The following SPAG16 variants were observed in gnomAD, a reference collection of about 807,000 sequenced individuals.
SPAG16 encodes the protein sperm-associated antigen 16 protein.
Under a neutral mutation model 80.4 loss-of-function variants are expected in SPAG16, and 86 were observed. That is an observed-to-expected ratio of 1.07 (90% CI 0.90 to 1.28). The LOEUF (loss-of-function observed/expected upper bound fraction) is 1.28, where lower values mean the gene tolerates loss of function less well. SPAG16 is among the 50% of genes most tolerant of loss of function. The pLI is 0.00. For synonymous variants in SPAG16, 294 were observed against 265.9 expected (o/e 1.11, Z -1.03); for missense variants, 870 against 765.3 (o/e 1.14, Z -1.61).
At chr2:213,358,116 C>G (rs573214026) in intron 7 of SPAG16, among the ~76,000 whole-genome samples, 1 of 152,116 alleles carries the variant, frequency 6.6e-6, no homozygotes, top group African/African-American at 2.4e-5. Flanking sequence ...GGGTTTCTGC[C>G]GAGAGATCTG....
chr2:214,036,987 C>A (rs559324922), intron 13 of SPAG16, among the ~76,000 whole-genome samples: 117 of 152,004 alleles, frequency 7.7e-4, no homozygotes, highest in African/African-American at 2.6e-3. Flanking sequence ...TACTAATATT[C>A]TAAAAGTGAG....
At chr2:213,480,668 T>G (rs1386041044) in intron 9 of SPAG16, among the ~76,000 whole-genome samples, 1 of 152,242 alleles carries the variant, frequency 6.6e-6, no homozygotes, top group Non-Finnish European at 1.5e-5. Flanking sequence ...TGTGTCATCA[T>G]ATGGCACACA....
intron 10 of SPAG16, among the ~76,000 whole-genome samples, chr2:213,529,347 A>T (rs1480526355): frequency 6.6e-6 from 1 of 152,108 alleles, no homozygotes; most frequent in East Asian, 1.9e-4. Context: ...GAATTTGCTG[A>T]TTTCTGTATT....
In SPAG16 at chr2:214,007,298, TAAAAC is replaced by T. The variant is rs754372852; in HGVS notation, c.1401-6645_1401-6641del. On this transcript the variant is annotated intron_variant, in intron 12 of 15. Transcript: ENST00000331683. The stretch of plus-strand genomic sequence containing the variant: ...TCTTTACAGATTGAAATGCCTCAGT[TAAAAC>T]AAAACAATATGGCCAGGGATGGTGG... Among the ~76,000 whole-genome samples, 112 of 152,160 alleles carry T rather than the reference TAAAAC, an allele frequency of 7.4e-4. 1 individual carries two copies. The highest frequency in any genetic ancestry group is 1.4e-3 in the Non-Finnish European group (95 of 67,992).
At chr2:213,967,149 C>A (rs1192067023) in intron 12 of SPAG16, among the ~76,000 whole-genome samples, 1 of 152,070 alleles carries the variant, frequency 6.6e-6, no homozygotes, top group African/African-American at 2.4e-5. Context: ...ATTCAATATA[C>A]CTTATATAGT....
chr2:214,047,911 A>T (rs1250914086), intron 13 of SPAG16, among the ~76,000 whole-genome samples: 2 of 152,220 alleles, frequency 1.3e-5, no homozygotes, highest in Admixed American at 1.3e-4. Context: ...AAGGAGACAT[A>T]CAGATGGCAA....
chr2:213,874,368 C>T (rs968270743), intron 11 of SPAG16, among the ~76,000 whole-genome samples: 3 of 152,044 alleles, frequency 2.0e-5, no homozygotes, highest in African/African-American at 7.2e-5. Context: ...TACAGCTGTA[C>T]AAAAATATTT....
chr2:214,114,187 C>A (rs1036160560), intron 14 of SPAG16, among the ~76,000 whole-genome samples: 4 of 152,132 alleles, frequency 2.6e-5, no homozygotes, highest in African/African-American at 9.7e-5. Flanking sequence ...CTGCCTGATC[C>A]TTCCTCTGGA....
chr2:214,368,480 T>C (rs948645423), intron 15 of SPAG16, among the ~76,000 whole-genome samples: 1 of 152,078 alleles, frequency 6.6e-6, no homozygotes, highest in Non-Finnish European at 1.5e-5. Context: ...TAAGGAGAAA[T>C]TTATTTTTGT....
At chr2:213,442,096 C>T (rs773602452) in intron 9 of SPAG16, among the ~76,000 whole-genome samples, 50 of 152,144 alleles carry the variant, frequency 3.3e-4, no homozygotes, top group Admixed American at 6.5e-4. Flanking sequence ...TGCAGTGAGC[C>T]GAGATCGCCC....
intron 15 of SPAG16, among the ~76,000 whole-genome samples, chr2:214,283,714 G>A (rs1365682999): frequency 6.6e-6 from 1 of 152,164 alleles, no homozygotes; most frequent in African/African-American, 2.4e-5. Flanking sequence ...ATTTTTGCTT[G>A]CTGCTCTAAT....
At chr2:213,852,914 T>G (rs370274990) in intron 10 of SPAG16, among the ~76,000 whole-genome samples, 1 of 152,330 alleles carries the variant, frequency 6.6e-6, no homozygotes, top group Non-Finnish European at 1.5e-5. Flanking sequence ...TAAATGCTAA[T>G]GCACATCACG....
At chr2:213,537,079 A>C (rs1253231597) in intron 10 of SPAG16, among the ~76,000 whole-genome samples, 1 of 149,320 alleles carries the variant, frequency 6.7e-6, no homozygotes, top group Admixed American at 6.8e-5. Context: ...ATCAAACACC[A>C]CATATTCTCA....
At chr2:214,331,066 C>T (rs935957912) in intron 15 of SPAG16, among the ~76,000 whole-genome samples, 4 of 152,176 alleles carry the variant, frequency 2.6e-5, no homozygotes, top group Admixed American at 2.0e-4. Flanking sequence ...ATTTCCATCA[C>T]CCTGGGCTAT....
At chr2:213,799,250 G>A (rs902573261) in intron 10 of SPAG16, among the ~76,000 whole-genome samples, 14 of 151,828 alleles carry the variant, frequency 9.2e-5, no homozygotes, top group African/African-American at 3.4e-4. Flanking sequence ...ATTTCTTTCA[G>A]CAATGTTTTA....
At chr2:213,309,687 A>G (rs917990379) in intron 3 of SPAG16, among the ~76,000 whole-genome samples, 2 of 152,048 alleles carry the variant, frequency 1.3e-5, no homozygotes, top group African/African-American at 2.4e-5. Flanking sequence ...TATCAATGAC[A>G]TCTTCACCAC....
chr2:213,997,643 A>G (rs1246121370), intron 12 of SPAG16, among the ~76,000 whole-genome samples: 8 of 152,252 alleles, frequency 5.3e-5, no homozygotes, highest in African/African-American at 1.9e-4. Context: ...GACATTTTAA[A>G]GAAGAGGTGT....
intron 15 of SPAG16, among the ~76,000 whole-genome samples, chr2:214,271,067 T>C (rs903532099): frequency 1.3e-5 from 2 of 152,232 alleles, no homozygotes; most frequent in African/African-American, 4.8e-5. Context: ...TTTTGAGATC[T>C]TAATTTAAGC....
Position 213,514,700 on chromosome 2 carries a change from G to A in SPAG16, c.1070+24610G>A, listed in dbSNP as rs1057117361. 1.1e-4 allele frequency among the ~76,000 whole-genome samples: 16 copies of A among 141,466 alleles called. 1 individual carries two copies. Among genetic ancestry groups the A allele is most frequent in the Admixed American group, 2.3e-4 (3 of 12,782 alleles). 92.8% of individuals were successfully genotyped at this position (141,466 alleles called of 152,430 possible). A position where few individuals can be genotyped will look rare whatever the true frequency, so the allele number is the denominator to read the frequency against. On this transcript the variant is annotated intron_variant, in intron 10 of 15. Transcript: ENST00000331683. ...ATCTCATTGTTCAATTCCCACCTAT[G>A]AGTATATTTTTAACTTTTAAAATTC...
Sources: gnomAD v4.1 joint callset for allele counts (sites outside exome capture counted in the v4.1 genomes callset) on GRCh38, gnomAD v4.1.1 for gene constraint, MANE v1.5 for transcripts, NCBI Gene and HGNC (gene_info 2026-07-23, HGNC 2026-07-21) for gene names.